The following FUT9 variants were observed in gnomAD, a reference collection of about 807,000 sequenced individuals.
FUT9 encodes 4-galactosyl-N-acetylglucosaminide 3-alpha-L-fucosyltransferase 9.
Under a neutral mutation model 29.7 loss-of-function variants are expected in FUT9, and 15 were observed. That is an observed-to-expected ratio of 0.51 (90% CI 0.34 to 0.78). The LOEUF is 0.78. FUT9 is among the 30% of genes least tolerant of loss of function. The pLI is 0.01. For synonymous variants in FUT9, 169 were observed against 153.7 expected, an observed-to-expected ratio of 1.10 and a Z score of -0.74; for missense variants, 319 against 425.4, an observed-to-expected ratio of 0.75 and a Z score of 2.20.
At chr6:96,071,659 A>G (rs183504013) in intron 1 of FUT9, among the ~76,000 whole-genome samples, 288 of 152,346 alleles carry the variant, frequency 1.9e-3, no homozygotes, top group Middle Eastern at 0.014. Context: ...TACTACATCA[A>G]CAAAGGAGCA....
chr6:96,102,949 G>A (rs1771612972), intron 1 of FUT9, among the ~76,000 whole-genome samples: 1 of 152,206 alleles, frequency 6.6e-6, no homozygotes, highest in African/African-American at 2.4e-5. Context: ...ACTTTGAAGA[G>A]CTGACAGAAG....
intron 2 of FUT9, among the ~76,000 whole-genome samples, chr6:96,180,182 T>C (rs1055096616): frequency 6.6e-6 from 1 of 152,152 alleles, no homozygotes; most frequent in African/African-American, 2.4e-5. Flanking sequence ...CAACAATTTT[T>C]CCCGGTCATG....
intron 2 of FUT9, among the ~76,000 whole-genome samples, chr6:96,202,111 C>T (rs1186012955): frequency 1.3e-5 from 2 of 151,588 alleles, no homozygotes; most frequent in African/African-American, 2.4e-5. Context: ...TCAAATGACC[C>T]GTGAGAATTT....
At chr6:96,023,083 A>T (rs2127922323) in intron 1 of FUT9, among the ~76,000 whole-genome samples, 1 of 152,070 alleles carries the variant, frequency 6.6e-6, no homozygotes, top group Non-Finnish European at 1.5e-5. Flanking sequence ...TTCATTCAAA[A>T]GATGCTGATA....
intron 2 of FUT9, among the ~76,000 whole-genome samples, chr6:96,123,575 A>G (rs1336794892): frequency 1.3e-5 from 2 of 152,182 alleles, no homozygotes; most frequent in African/African-American, 4.8e-5. Flanking sequence ...GACTTTAGGA[A>G]GTTAGGGTTA....
chr6:96,121,250 T>C (rs1562132469), intron 2 of FUT9, among the ~76,000 whole-genome samples: 3 of 152,172 alleles, frequency 2.0e-5, no homozygotes, highest in Non-Finnish European at 2.9e-5. Flanking sequence ...TAATGATATA[T>C]CCTTACTTTC....
intron 1 of FUT9, among the ~76,000 whole-genome samples, chr6:96,067,234 C>T (rs573891692): frequency 2.6e-4 from 39 of 150,552 alleles, no homozygotes; most frequent in African/African-American, 6.6e-4. Flanking sequence ...ATGTTGTATA[C>T]GCACATACTC....
intron 2 of FUT9, among the ~76,000 whole-genome samples, chr6:96,152,310 C>T (rs1222123551): frequency 6.6e-6 from 1 of 152,100 alleles, no homozygotes; most frequent in Non-Finnish European, 1.5e-5. Context: ...TGTGTAATGA[C>T]CTAGATTTAT....
intron 2 of FUT9, among the ~76,000 whole-genome samples, chr6:96,151,681 T>A (rs1024926215): frequency 6.6e-6 from 1 of 152,184 alleles, no homozygotes; most frequent in African/African-American, 2.4e-5. Context: ...AGCTGAGTTT[T>A]GTTATATTCA....
intron 1 of FUT9, among the ~76,000 whole-genome samples, chr6:96,033,221 C>A (rs565114494): frequency 2.0e-5 from 3 of 151,700 alleles, no homozygotes; most frequent in South Asian, 2.1e-4. Context: ...ATAACCACTG[C>A]CAAGCTTTGT....
intron 1 of FUT9, among the ~76,000 whole-genome samples, chr6:96,080,480 T>C (rs185693088): frequency 6.6e-6 from 1 of 152,100 alleles, no homozygotes; most frequent in African/African-American, 2.4e-5. Context: ...ACTTATTAAA[T>C]GTATGTATAC....
rs114392051 is a variant in FUT9 at position 96,043,412 on chromosome 6, T to C, written c.-98+27200T>C. On this transcript the variant is annotated intron_variant, in intron 1 of 2. Coordinates refer to ENST00000302103, the MANE Select transcript of FUT9 (RefSeq NM_006581.4). ...TATTTGATGTCAAATGACATTGTTT[T>C]TGTTAAGTTATAGTTACAATAGATG... 5.4e-3 allele frequency among the ~76,000 whole-genome samples: 828 copies of C among 152,346 alleles called. 4 individuals are homozygous for C. Among genetic ancestry groups the C allele is most frequent in the African/African-American group, 0.019 (790 of 41,576 alleles).
chr6:96,173,291 T>C (rs537195013), intron 2 of FUT9, among the ~76,000 whole-genome samples: 1 of 151,694 alleles, frequency 6.6e-6, no homozygotes, highest in African/African-American at 2.4e-5. Context: ...CTCAAAGGAC[T>C]TGCCTTAACT....
chr6:96,079,150 T>C (rs766222039), intron 1 of FUT9, among the ~76,000 whole-genome samples: 1 of 152,086 alleles, frequency 6.6e-6, no homozygotes, highest in African/African-American at 2.4e-5. Context: ...ATATTCAAGA[T>C]TTTTTCCCTG....
At chr6:96,073,099 A>G (rs571835804) in intron 1 of FUT9, among the ~76,000 whole-genome samples, 3 of 152,286 alleles carry the variant, frequency 2.0e-5, no homozygotes, top group East Asian at 1.9e-4. Flanking sequence ...CTACCTGGAT[A>G]TAGTGGGAGG....
rs763222084 is a variant in FUT9, at chr6:96,166,010, T to TA, written c.-8-37131dup. Reference sequence around the variant, plus strand: ...GCTTCGGCTTGTGGTTTTGAGTGTGTAAAAAAATCCCCCAAGGACATATGG... The same window carrying TA: ...GCTTCGGCTTGTGGTTTTGAGTGTGTAAAAAAAATCCCCCAAGGACATATGG... On this transcript the variant is annotated intron_variant, in intron 2 of 2. Transcript: ENST00000302103. Among the ~76,000 whole-genome samples, 6 of 152,094 alleles carry TA rather than the reference T, an allele frequency of 3.9e-5. No homozygotes were observed. In the South Asian group the frequency reaches 8.3e-4, roughly 21 times the overall value.
chr6:96,058,230 T>C (rs1036753979), intron 1 of FUT9, among the ~76,000 whole-genome samples: 5 of 152,130 alleles, frequency 3.3e-5, no homozygotes, highest in African/African-American at 1.2e-4. Context: ...AGTACTTCTA[T>C]GAATAGTTGC....
intron 1 of FUT9, among the ~76,000 whole-genome samples, chr6:96,093,054 C>A (rs1196628023): frequency 6.6e-6 from 1 of 152,150 alleles, no homozygotes; most frequent in Admixed American, 6.6e-5. Context: ...AGGCATGAGC[C>A]ACCTTACCCA....
At chr6:96,133,794 C>A (rs1037393044) in intron 2 of FUT9, among the ~76,000 whole-genome samples, 1 of 151,878 alleles carries the variant, frequency 6.6e-6, no homozygotes, top group African/African-American at 2.4e-5. Context: ...AAATTACTTG[C>A]TAAATTAGTA....
Sources: gnomAD v4.1 joint callset for allele counts (sites outside exome capture counted in the v4.1 genomes callset) on GRCh38, gnomAD v4.1.1 for gene constraint, MANE v1.5 for transcripts, NCBI Gene and HGNC (gene_info 2026-07-23, HGNC 2026-07-21) for gene names.